PTPRF: variants seen among roughly 807,000 people sequenced by gnomAD.
PTPRF encodes receptor-type tyrosine-protein phosphatase F.
Under a neutral mutation model 201.8 loss-of-function variants are expected in PTPRF, and 59 were observed. The ratio of observed to expected loss-of-function variants is 0.29; its 90% confidence interval spans 0.24 to 0.36. The LOEUF (loss-of-function observed/expected upper bound fraction) is 0.36, where lower values mean the gene tolerates loss of function less well. Among genes scored for constraint, PTPRF ranks in the 10% least tolerant of loss-of-function variants. PTPRF has a pLI of 1.00. For missense variants in PTPRF, 2,132 were observed against 2,690.5 expected (o/e 0.79, Z 4.59); for synonymous variants, 1,088 against 1,089.7 (o/e 1.00, Z 0.03).
At chr1:43,607,098 G>T in intron 21 of PTPRF, 130 bp downstream of exon 21, 1 of 1,213,474 alleles carries the variant, frequency 8.2e-7, no homozygotes, top group East Asian at 2.4e-5. Context: ...TCAGCAGGAA[G>T]GCAGGAAGGG....
At chr1:43,586,213 AGAG>A (rs1422207350) in intron 7 of PTPRF, among the ~76,000 whole-genome samples, 1 of 152,340 alleles carries the variant, frequency 6.6e-6, no homozygotes, top group East Asian at 1.9e-4. Flanking sequence ...CTTCCCATGA[AGAG>A]GAGGAGACAG....
rs371676929 is a variant in PTPRF, at chr1:43,603,938, C to T, written c.2786C>T (p.Thr929Met). 16 of 1,614,132 alleles carry T rather than the reference C, an allele frequency of 9.9e-6. No individual in the cohort carries two copies. The East Asian group carries it at 1.6e-4, about 16-fold the overall frequency. The change falls in exon 16 of 34, where the codon ACG becomes ATG. Residue 929 changes from threonine to methionine, a missense_variant. Around this residue, in one of 6 missense-constraint regions of PTPRF, gnomAD observed 818 missense variants for 915.3 expected, o/e 0.89. Transcript: ENST00000359947. This position sits in a 1 kb window ranked among gnomAD's most constrained non-coding sequence, Gnocchi z 5.8. ...AACCTGCATGTGACAGGACTGACCA[C>T]GTCTACCACAGAACTGGCCTGGGAC... is the stretch of plus-strand genomic sequence containing the variant. ...PQNLHVTGLTTSTTELAWDPP... is the reference protein window; with the variant it reads ...PQNLHVTGLTMSTTELAWDPP...
rs1243523561 is a variant in PTPRF at position 43,620,206 on chromosome 1, T to G, written c.5223T>G (p.Leu1741=). The G allele has an allele frequency of 3.1e-6, 5 of 1,613,970 alleles. No homozygotes were observed. The African/African-American group carries it at 4.0e-5, about 13-fold the overall frequency. The change falls in exon 30 of 34, where the codon CTT becomes CTG. Residue 1741 remains leucine (L), a synonymous_variant. Coordinates refer to ENST00000359947, the MANE Select transcript of PTPRF (RefSeq NM_002840.5). ...CCATCATCGTCATGCTGACCAAGCTTCGGGAGATGGGCAGGGTGAGCCCAC... is the reference window on the plus strand; with the variant it reads ...CCATCATCGTCATGCTGACCAAGCTGCGGGAGATGGGCAGGGTGAGCCCAC... ...NSTIIVMLTK[L]REMGREKCHQ...
rs77261319 is a variant in PTPRF, at chr1:43,570,583, A to G, written c.568+805A>G. On this transcript the variant is annotated intron_variant, in intron 6 of 33. Transcript: ENST00000359947. ...CTTCTGCCTGTCAGTTGTGATGTCA[A>G]TGATGAAAAGGAGGACATGACTCTT... Among the ~76,000 whole-genome samples the G allele has an allele frequency of 4.7e-3, 716 of 152,358 alleles. 31 individuals carry two copies. The East Asian group carries it at 0.097, about 21-fold the overall frequency.
In PTPRF at chr1:43,569,584, C is replaced by T. The variant is rs1557734571; in HGVS notation, c.380-6C>T. The stretch of plus-strand genomic sequence containing the variant: ...CCCTAATACACACATTGCTGTTTGT[C>T]TGCAGAGGAACAGCTGCCCCCTGGG... On this transcript the variant is annotated splice_polypyrimidine_tract_variant and splice_region_variant and intron_variant, in intron 5 of 33. Transcript: ENST00000359947. 1 of 1,596,040 alleles carries T rather than the reference C, an allele frequency of 6.3e-7. No homozygotes were observed. Among genetic ancestry groups the T allele is most frequent in the Admixed American group, 1.7e-5 (1 of 58,944 alleles).
intron 29 of PTPRF, 86 bp from the exon 30 acceptor site, chr1:43,620,009 G>A: frequency 1.9e-6 from 3 of 1,589,582 alleles, no homozygotes; most frequent in Non-Finnish European, 2.6e-6. Flanking sequence ...GGTGATCTGA[G>A]CAGGGCCCCA....
intron 1 of PTPRF, among the ~76,000 whole-genome samples, chr1:43,535,727 C>T (rs1643958898): frequency 6.6e-6 from 1 of 152,200 alleles, no homozygotes; most frequent in Non-Finnish European, 1.5e-5. Context: ...TGACTGTGGA[C>T]TTCACCCCTT....
At chr1:43,566,765 G>T (rs1045549152) in intron 5 of PTPRF, among the ~76,000 whole-genome samples, 3 of 152,164 alleles carry the variant, frequency 2.0e-5, no homozygotes, top group African/African-American at 7.2e-5. Context: ...TGGCAGAGTG[G>T]CAGACTTCCG....
chr1:43,604,451 G>C (rs1279584758), intron 16 of PTPRF, among the ~76,000 whole-genome samples: 1 of 152,158 alleles, frequency 6.6e-6, no homozygotes, highest in Non-Finnish European at 1.5e-5. Flanking sequence ...TCTTTTGACT[G>C]TGTCACTATT....
intron 22 of PTPRF, among the ~76,000 whole-genome samples, chr1:43,612,409 G>A (rs991374124): frequency 1.3e-5 from 2 of 152,182 alleles, no homozygotes; most frequent in African/African-American, 4.8e-5. Flanking sequence ...TTTTTCCAAC[G>A]TGGAAATCAT....
chr1:43,575,945 G>A, intron 6 of PTPRF: 1 of 1,364,650 alleles, frequency 7.3e-7, no homozygotes, highest in Non-Finnish European at 9.8e-7. Flanking sequence ...TGCTGTCCGT[G>A]CCTCTCGCCA....
intron 7 of PTPRF, among the ~76,000 whole-genome samples, chr1:43,587,854 C>A (rs936531394): frequency 6.6e-6 from 1 of 152,206 alleles, no homozygotes; most frequent in African/African-American, 2.4e-5. Context: ...AAGCTTCCAA[C>A]TTCGGGGGCG....
At position 43,591,468 on chromosome 1, in the gene PTPRF, C is replaced by T. The variant is rs1313412006; in HGVS notation, c.1446C>T (p.Ile482=). The T allele has an allele frequency of 6.3e-7, 1 of 1,597,292 alleles. No individual in the cohort carries two copies. The highest frequency in any genetic ancestry group is 1.1e-5 in the South Asian group (1 of 88,796). The change falls in exon 9 of 34, where the codon ATC becomes ATT. Residue 482 remains isoleucine, a synonymous_variant. Transcript: ENST00000359947. The part of the protein sequence containing the change: ...LTTVGSLLPG[I]TYSLRVLAFT... ...CCGTGGGCAGCCTGCTGCCTGGCAT[C>T]ACCTACAGCCTGCGCGTGCTTGCCT... is the stretch of plus-strand genomic sequence containing the variant.
At chr1:43,613,003 T>C in intron 22 of PTPRF, 1 of 385,010 alleles carries the variant, frequency 2.6e-6, no homozygotes, top group Non-Finnish European at 4.9e-6. Context: ...CCAGGCCTGT[T>C]TTCTCTCCCA....
In PTPRF at chr1:43,553,462, G is replaced by A. The variant is rs926761405; in HGVS notation, c.92-30G>A. ...TGGCCATTCCTATAGTGACTGTGCT[G>A]TGGTGACTTGGTGTCTCCATCTCTT... On this transcript the variant is annotated intron_variant, in intron 3 of 33. Transcript: ENST00000359947. The surrounding 1 kb of genome is among the most constrained non-coding windows in gnomAD (Gnocchi z 4.1). The A allele has an allele frequency of 1.2e-6, 2 of 1,607,734 alleles. No individual in the cohort carries two copies. The highest frequency in any genetic ancestry group is 2.7e-5 in the African/African-American group (2 of 74,928).
upstream of PTPRF, among the ~76,000 whole-genome samples, chr1:43,524,485 C>A (rs1045538445): frequency 1.1e-4 from 17 of 152,194 alleles, no homozygotes; most frequent in African/African-American, 4.1e-4. Context: ...TATAGTGAGA[C>A]CCCACCTCTA....
Position 43,569,583 on chromosome 1 carries a change from T to C in PTPRF, c.380-7T>C. ...GCCCTAATACACACATTGCTGTTTGTCTGCAGAGGAACAGCTGCCCCCTGG... is the reference window on the plus strand; with the variant it reads ...GCCCTAATACACACATTGCTGTTTGCCTGCAGAGGAACAGCTGCCCCCTGG... On this transcript the variant is annotated splice_polypyrimidine_tract_variant and splice_region_variant and intron_variant, in intron 5 of 33. Coordinates refer to ENST00000359947, the MANE Select transcript of PTPRF (RefSeq NM_002840.5). 5 of 1,595,214 alleles carry C rather than the reference T, an allele frequency of 3.1e-6. No individual in the cohort carries two copies. The highest frequency in any genetic ancestry group is 4.3e-6 in the Non-Finnish European group (5 of 1,168,582).
At chr1:43,551,432 G>A (rs765990261) in intron 3 of PTPRF, among the ~76,000 whole-genome samples, 42 of 152,130 alleles carry the variant, frequency 2.8e-4, no homozygotes, top group Non-Finnish European at 5.6e-4. Flanking sequence ...GGCATTCAGG[G>A]GAAGGGCAAG....
At chr1:43,543,434 G>A (rs1260196302) in intron 2 of PTPRF, among the ~76,000 whole-genome samples, 1 of 152,192 alleles carries the variant, frequency 6.6e-6, no homozygotes, top group East Asian at 1.9e-4. Flanking sequence ...TTGAAGAACT[G>A]GTGTAAATGA....
Sources: allele counts gnomAD v4.1 joint callset (sites outside exome capture counted in the v4.1 genomes callset), GRCh38; gene constraint gnomAD v4.1.1; regional missense constraint gnomAD v4.1.1; non-coding constraint Gnocchi (gnomAD v3.1); transcripts MANE v1.5; gene names NCBI Gene and HGNC (gene_info 2026-07-23, HGNC 2026-07-21).